Variants in ROBO2 observed in about 807,000 individuals in gnomAD.
ROBO2 encodes the protein roundabout guidance receptor 2, also known as roundabout homolog 2.
A neutral mutation model predicts 160.8 loss-of-function variants in ROBO2; 53 were observed. The ratio of observed to expected loss-of-function variants is 0.33; its 90% CI spans 0.26 to 0.41. ROBO2 has a LOEUF of 0.41. ROBO2 is among the 10% of genes least tolerant of loss of function. The pLI, the probability that ROBO2 is intolerant of heterozygous loss-of-function variation, is 1.00. For missense variants in ROBO2, 1,577 were observed against 1,722.4 expected (o/e 0.92, Z 1.49); for synonymous variants, 664 against 611.7 (o/e 1.09, Z -1.26).
chr3:76,250,648 C>T (rs967300139), intron 2 of ROBO2, among the ~76,000 whole-genome samples: 9 of 151,894 alleles, frequency 5.9e-5, no homozygotes, highest in Admixed American at 2.0e-4. Context: ...AAATGAATGA[C>T]GTAGGAATGC....
At chr3:76,196,582 G>T (rs902721281) in intron 2 of ROBO2, among the ~76,000 whole-genome samples, 3 of 152,030 alleles carry the variant, frequency 2.0e-5, no homozygotes, top group African/African-American at 7.2e-5. Context: ...TCATGTTTCT[G>T]CTGTGAGATT....
In ROBO2 at chr3:76,946,203, C is replaced by T. The variant is rs565779150; in HGVS notation, c.110-151811C>T. On this transcript the variant is annotated intron_variant, in intron 2 of 26. Coordinates refer to the ROBO2 transcript ENST00000487694. Reference sequence around the variant, plus strand: ...AGTTCTGAGTAGTCATCAGAATATGCCTTGAATTATGAGGTTTTATGCACT... The same window carrying T: ...AGTTCTGAGTAGTCATCAGAATATGTCTTGAATTATGAGGTTTTATGCACT... 1.0e-3 allele frequency among the ~76,000 whole-genome samples: 154 copies of T among 152,214 alleles called. 2 individuals are homozygous for T. Among genetic ancestry groups the T allele is most frequent in the Non-Finnish European group, 1.8e-4 (12 of 68,016 alleles).
chr3:76,567,797 G>GTATA (rs1553806022), intron 2 of ROBO2, among the ~76,000 whole-genome samples: 4 of 72,452 alleles, frequency 5.5e-5, no homozygotes, highest in African/African-American at 1.6e-4. Context: ...GTGTGTGTGT[G>GTATA]TATATATATA....
chr3:77,382,346 C>CTTT (rs58518864), intron 2 of ROBO2, among the ~76,000 whole-genome samples: 6 of 135,018 alleles, frequency 4.4e-5, no homozygotes, highest in African/African-American at 5.2e-5. Context: ...AACACATGTC[C>CTTT]TTTTTTTTTT....
chr3:76,975,071 C>A (rs1161467606), intron 2 of ROBO2, among the ~76,000 whole-genome samples: 1 of 152,118 alleles, frequency 6.6e-6, no homozygotes, highest in East Asian at 1.9e-4. Flanking sequence ...CATGTAAATA[C>A]GTGTGAAAAA....
chr3:77,636,029 G>T (rs1324296058), intron 24 of ROBO2, among the ~76,000 whole-genome samples: 1 of 152,030 alleles, frequency 6.6e-6, no homozygotes, highest in Non-Finnish European at 1.5e-5. Context: ...GGTTCTCTCT[G>T]GGGTGTGTTT....
intron 2 of ROBO2, among the ~76,000 whole-genome samples, chr3:76,402,566 T>C (rs1409215657): frequency 1.3e-5 from 2 of 151,524 alleles, no homozygotes; most frequent in Non-Finnish European, 3.0e-5. Context: ...AATTAAATTG[T>C]CAGTAGGTTG....
chr3:77,225,364 C>T (rs758373683), intron 2 of ROBO2, among the ~76,000 whole-genome samples: 2 of 151,772 alleles, frequency 1.3e-5, no homozygotes, highest in African/African-American at 4.8e-5. Flanking sequence ...ATTCTAATTC[C>T]GTCAACTTTG....
chr3:76,271,001 C>G (rs149185989), intron 2 of ROBO2, among the ~76,000 whole-genome samples: 1 of 152,046 alleles, frequency 6.6e-6, no homozygotes, highest in African/African-American at 2.4e-5. Context: ...ACTTGGTAAA[C>G]TTTATACCTA....
intron 2 of ROBO2, among the ~76,000 whole-genome samples, chr3:77,445,063 G>A (rs2080329511): frequency 6.6e-6 from 1 of 152,154 alleles, no homozygotes; most frequent in South Asian, 2.1e-4. Context: ...ACATCCGTTT[G>A]GTGACGTCAA....
At chr3:77,198,494 G>C (rs182260907) in intron 2 of ROBO2, among the ~76,000 whole-genome samples, 5 of 152,320 alleles carry the variant, frequency 3.3e-5, no homozygotes, top group African/African-American at 9.6e-5. Flanking sequence ...CTAATGGGAG[G>C]TTAGAAGGTC....
In ROBO2 at chr3:76,877,260, C is replaced by T. The variant is rs149008015; in HGVS notation, c.110-220754C>T. 1.5e-3 allele frequency among the ~76,000 whole-genome samples: 222 copies of T among 152,274 alleles called. 2 individuals carry two copies. Among genetic ancestry groups the T allele is most frequent in the African/African-American group, 5.1e-3 (210 of 41,538 alleles). On this transcript the variant is annotated intron_variant, in intron 2 of 26. Transcript: ENST00000487694. ...GCTTAAGGTTTTTCTTAGAAGTGCT[C>T]TGGTTCTAGTCAAAAGATGGTAGTC... is the stretch of plus-strand genomic sequence containing the variant.
intron 2 of ROBO2, among the ~76,000 whole-genome samples, chr3:76,142,951 A>G (rs1208770145): frequency 6.6e-6 from 1 of 151,914 alleles, no homozygotes; most frequent in East Asian, 1.9e-4. Flanking sequence ...CACAAAAATA[A>G]AAATAAAAAT....
chr3:77,126,924 G>A (rs1413145556), intron 2 of ROBO2, among the ~76,000 whole-genome samples: 5 of 151,362 alleles, frequency 3.3e-5, no homozygotes, highest in African/African-American at 1.2e-4. Flanking sequence ...GAGTAGCTGG[G>A]ACTGCAGGTG....
At chr3:77,487,825 T>C (rs1404134805) in intron 4 of ROBO2, among the ~76,000 whole-genome samples, 1 of 152,228 alleles carries the variant, frequency 6.6e-6, no homozygotes, top group Non-Finnish European at 1.5e-5. Flanking sequence ...ACACTAATTT[T>C]ATAATGTTAA....
At chr3:76,542,958 C>T (rs953153438) in intron 2 of ROBO2, among the ~76,000 whole-genome samples, 2 of 152,140 alleles carry the variant, frequency 1.3e-5, no homozygotes, top group African/African-American at 4.8e-5. Flanking sequence ...CAGTTTATCT[C>T]AGTTTTCCTA....
chr3:77,568,378 GT>G lies in ROBO2; in HGVS notation c.1916del (p.Val639AlafsTer9), dbSNP rs755076398. 2 of 1,613,100 alleles carry G rather than the reference GT, an allele frequency of 1.2e-6. No individual in the cohort carries two copies. The highest frequency in any genetic ancestry group is 1.7e-6 in the Non-Finnish European group (2 of 1,179,368). ...GCAGAAAGAGCTAGGAGATGTCCTT[GT>G]CCGTCTTCATAATCCAGTTGTGCTG... On this transcript the variant is annotated frameshift_variant, in exon 13 of 26. Coordinates refer to ENST00000461745, the Ensembl canonical transcript of ROBO2. LOFTEE classifies it high-confidence loss of function.
intron 2 of ROBO2, among the ~76,000 whole-genome samples, chr3:76,076,132 C>T (rs906127111): frequency 1.1e-4 from 16 of 152,104 alleles, no homozygotes; most frequent in Non-Finnish European, 2.1e-4. Context: ...AAATGTTTTT[C>T]CAATGTTGGT....
At chr3:77,161,097 C>G (rs2078448812) in intron 2 of ROBO2, among the ~76,000 whole-genome samples, 1 of 152,290 alleles carries the variant, frequency 6.6e-6, no homozygotes, top group Non-Finnish European at 1.5e-5. Flanking sequence ...CTGTAAGCTT[C>G]ATGGCCTGCA....
Sources: gnomAD v4.1 joint callset for allele counts (sites outside exome capture counted in the v4.1 genomes callset) on GRCh38, gnomAD v4.1.1 for gene constraint, MANE v1.5 for transcripts, NCBI Gene and HGNC (gene_info 2026-07-23, HGNC 2026-07-21) for gene names.